The following HCN1 variants were observed in gnomAD, a reference collection of about 807,000 sequenced individuals.
The protein encoded by HCN1 is hyperpolarization activated cyclic nucleotide gated potassium channel 1, also known as potassium/sodium hyperpolarization-activated cyclic nucleotide-gated channel 1.
A neutral mutation model predicts 78.9 loss-of-function variants in HCN1; 13 were observed. The ratio of observed to expected loss-of-function variants is 0.16; its 90% CI spans 0.11 to 0.26. The LOEUF (loss-of-function observed/expected upper bound fraction) is 0.26, where lower values mean the gene tolerates loss of function less well. Ranked by LOEUF, HCN1 falls within the 10% of genes least tolerant of loss-of-function variation. The probability of loss-of-function intolerance (pLI) is 1.00; values close to 1 mark genes in which losing one functional copy is unlikely to be tolerated. For missense variants in HCN1, 810 were observed against 1,154.3 expected (o/e 0.70, Z 4.32); for synonymous variants, 552 against 455.5 (o/e 1.21, Z -2.70).
Position 45,396,180 on chromosome 5 carries a change from A to C in HCN1, c.1230+312T>G, listed in dbSNP as rs142090889. On this transcript the variant is annotated intron_variant, in intron 4 of 7. Coordinates refer to ENST00000303230, the MANE Select transcript of HCN1 (RefSeq NM_021072.4). ...AGAAGGGTTTATTTTAACTATTGAC[A>C]TATGATAGAAAATGAGCCATGATAA... Among the ~76,000 whole-genome samples the C allele has an allele frequency of 1.1e-3, 167 of 152,300 alleles. 1 individual carries two copies. The highest frequency in any genetic ancestry group is 7.9e-3 in the East Asian group (41 of 5,170).
intron 4 of HCN1, among the ~76,000 whole-genome samples, chr5:45,387,847 A>T (rs1382708064): frequency 6.6e-6 from 1 of 152,166 alleles, no homozygotes; most frequent in Admixed American, 6.6e-5. Flanking sequence ...CCTATGATAA[A>T]GTATGATTTA....
At chr5:45,669,031 A>G (rs984574432) in intron 1 of HCN1, among the ~76,000 whole-genome samples, 1 of 151,822 alleles carries the variant, frequency 6.6e-6, no homozygotes, top group African/African-American at 2.4e-5. Flanking sequence ...AGATCTTAAA[A>G]TCTTGAGAAA....
At chr5:45,389,563 A>G (rs1056305713) in intron 4 of HCN1, among the ~76,000 whole-genome samples, 11 of 152,162 alleles carry the variant, frequency 7.2e-5, no homozygotes, top group African/African-American at 2.7e-4. Context: ...AGCATCTGGT[A>G]GTAGGCCTGA....
chr5:45,390,563 T>A (rs1218838272), intron 4 of HCN1, among the ~76,000 whole-genome samples: 1 of 152,176 alleles, frequency 6.6e-6, no homozygotes. Context: ...TTTAGCACTT[T>A]GCACAGTCCT....
intron 3 of HCN1, among the ~76,000 whole-genome samples, chr5:45,399,223 C>T (rs963976072): frequency 1.8e-4 from 28 of 152,126 alleles, no homozygotes; most frequent in African/African-American, 6.3e-4. Context: ...CTGGTTTGGC[C>T]ACATCAGGGA....
At chr5:45,308,670 T>A (rs1048935149) in intron 5 of HCN1, among the ~76,000 whole-genome samples, 1 of 152,060 alleles carries the variant, frequency 6.6e-6, no homozygotes, top group Non-Finnish European at 1.5e-5. Flanking sequence ...CTATCAAGTT[T>A]TTATTTACAA....
chr5:45,288,900 C>G (rs1745318689), intron 6 of HCN1, among the ~76,000 whole-genome samples: 2 of 151,968 alleles, frequency 1.3e-5, no homozygotes, highest in Admixed American at 1.3e-4. Flanking sequence ...GGGAAAGGAG[C>G]AAGCTAGAGA....
intron 3 of HCN1, among the ~76,000 whole-genome samples, chr5:45,441,416 G>C (rs1401850036): frequency 1.3e-5 from 2 of 150,340 alleles, no homozygotes; most frequent in Non-Finnish European, 3.0e-5. Flanking sequence ...AAGGAAGGGA[G>C]GGAGGGAGGG....
At chr5:45,511,886 A>G (rs1742423678) in intron 2 of HCN1, among the ~76,000 whole-genome samples, 1 of 152,030 alleles carries the variant, frequency 6.6e-6, no homozygotes, top group Non-Finnish European at 1.5e-5. Context: ...AATAGAAGAA[A>G]CTATGCACAG....
chr5:45,474,295 A>G (rs915344497), intron 2 of HCN1, among the ~76,000 whole-genome samples: 2 of 151,860 alleles, frequency 1.3e-5, no homozygotes, highest in African/African-American at 4.8e-5. Flanking sequence ...TATAATACAC[A>G]TTGATCCTGC....
intron 2 of HCN1, among the ~76,000 whole-genome samples, chr5:45,511,706 G>T (rs956913001): frequency 1.3e-5 from 2 of 151,970 alleles, no homozygotes; most frequent in Non-Finnish European, 2.9e-5. Flanking sequence ...GGAGCCTAAG[G>T]AGACATGAGG....
chr5:45,584,495 T>C (rs1335625904), intron 2 of HCN1, among the ~76,000 whole-genome samples: 4 of 151,806 alleles, frequency 2.6e-5, no homozygotes, highest in African/African-American at 7.2e-5. Flanking sequence ...TTTGCCAGTC[T>C]GTGTCTTTTA....
At chr5:45,490,941 A>C (rs899873849) in intron 2 of HCN1, among the ~76,000 whole-genome samples, 9 of 151,996 alleles carry the variant, frequency 5.9e-5, no homozygotes, top group South Asian at 2.1e-4. Flanking sequence ...TCCAGGCAGG[A>C]GCATGTTCAA....
intron 3 of HCN1, among the ~76,000 whole-genome samples, chr5:45,418,930 A>C (rs1436415130): frequency 6.6e-6 from 1 of 152,176 alleles, no homozygotes; most frequent in Non-Finnish European, 1.5e-5. Flanking sequence ...TTACACAATA[A>C]AATTGAAGTG....
intron 4 of HCN1, among the ~76,000 whole-genome samples, chr5:45,370,371 T>C (rs959138698): frequency 6.6e-6 from 1 of 152,016 alleles, no homozygotes; most frequent in Non-Finnish European, 1.5e-5. Context: ...CATTAATTTT[T>C]TTTCTATATT....
intron 2 of HCN1, among the ~76,000 whole-genome samples, chr5:45,516,774 T>C (rs938891140): frequency 1.3e-5 from 2 of 152,130 alleles, no homozygotes; most frequent in East Asian, 1.9e-4. Context: ...TTATACTTTG[T>C]ATTTGATCAG....
chr5:45,489,187 T>C (rs966698129), intron 2 of HCN1, among the ~76,000 whole-genome samples: 1 of 152,146 alleles, frequency 6.6e-6, no homozygotes, highest in Non-Finnish European at 1.5e-5. Flanking sequence ...TAAGCGAAGA[T>C]GCCAGAGGTA....
At chr5:45,486,575 C>T (rs1052203009) in intron 2 of HCN1, among the ~76,000 whole-genome samples, 3 of 151,980 alleles carry the variant, frequency 2.0e-5, no homozygotes, top group Admixed American at 6.6e-5. Flanking sequence ...GTGGCCATCA[C>T]GTTCTATTAA....
intron 6 of HCN1, among the ~76,000 whole-genome samples, chr5:45,273,287 A>G (rs1415521829): frequency 6.6e-6 from 1 of 152,082 alleles, no homozygotes; most frequent in African/African-American, 2.4e-5. Context: ...TGTCAGAAAG[A>G]GTGTGGCCTG....
Sources: gnomAD v4.1 joint callset for allele counts (sites outside exome capture counted in the v4.1 genomes callset) on GRCh38, gnomAD v4.1.1 for gene constraint, MANE v1.5 for transcripts, NCBI Gene and HGNC (gene_info 2026-07-23, HGNC 2026-07-21) for gene names.